The following GPC5 variants were observed in gnomAD, a reference collection of about 807,000 sequenced individuals.
GPC5 encodes glypican 5.
GPC5 carries 47 observed loss-of-function variants against 53.9 expected under a neutral mutation model. The ratio of observed to expected loss-of-function variants is 0.87; its 90% CI spans 0.69 to 1.11. The LOEUF (loss-of-function observed/expected upper bound fraction) is 1.11, where lower values mean the gene tolerates loss of function less well. Ranked by LOEUF, GPC5 falls within the 50% of genes most tolerant of loss-of-function variation. GPC5 has a pLI of 0.00. For synonymous variants in GPC5, 286 were observed against 263.3 expected, an observed-to-expected ratio of 1.09 and a Z score of -0.84; for missense variants, 748 against 713.1, an observed-to-expected ratio of 1.05 and a Z score of -0.56.
chr13:92,603,611 T>C (rs1194968322), intron 7 of GPC5, among the ~76,000 whole-genome samples: 2 of 152,156 alleles, frequency 1.3e-5, no homozygotes, highest in East Asian at 1.9e-4. Context: ...GCTGGATAGA[T>C]CTCTTTCATG....
chr13:92,538,561 C>T (rs1171017404), intron 7 of GPC5, among the ~76,000 whole-genome samples: 3 of 147,986 alleles, frequency 2.0e-5, no homozygotes, highest in Non-Finnish European at 4.5e-5. Flanking sequence ...TTGCTACACC[C>T]ATCAACCCGT....
In GPC5 at chr13:92,298,305, C is replaced by T. The variant is rs76255396; in HGVS notation, c.1561+153316C>T. Among the ~76,000 whole-genome samples the T allele has an allele frequency of 6.1e-3, 932 of 152,276 alleles. 7 individuals are homozygous for T. Among genetic ancestry groups the T allele is most frequent in the African/African-American group, 0.02 (815 of 41,556 alleles). On this transcript the variant is annotated intron_variant, in intron 7 of 7. Transcript: ENST00000377067. ...CCTTCCCCTGACTGTGGATTCTGCA[C>T]GCCAGATTCATGCCCTCCCCCAAGT...
chr13:92,051,966 A>T (rs745972063), intron 6 of GPC5, among the ~76,000 whole-genome samples: 1 of 152,228 alleles, frequency 6.6e-6, no homozygotes, highest in Non-Finnish European at 1.5e-5. Flanking sequence ...AAACCTAGTG[A>T]GAGCAAATAA....
intron 5 of GPC5, among the ~76,000 whole-genome samples, chr13:91,821,469 A>G (rs1307403432): frequency 1.3e-5 from 2 of 152,114 alleles, no homozygotes; most frequent in Non-Finnish European, 2.9e-5. Flanking sequence ...TTTGTTTAAA[A>G]CTTCCTACAA....
intron 7 of GPC5, among the ~76,000 whole-genome samples, chr13:92,168,174 T>C (rs754741361): frequency 6.6e-6 from 1 of 152,094 alleles, no homozygotes; most frequent in African/African-American, 2.4e-5. Context: ...TTATACCTTA[T>C]ACAAAAATTA....
At chr13:91,969,802 A>G (rs1316647584) in intron 6 of GPC5, among the ~76,000 whole-genome samples, 2 of 152,212 alleles carry the variant, frequency 1.3e-5, no homozygotes, top group African/African-American at 4.8e-5. Context: ...TTCAGATCAA[A>G]ACCACAATTA....
At chr13:92,131,230 A>T (rs1314311920) in intron 6 of GPC5, among the ~76,000 whole-genome samples, 1 of 151,980 alleles carries the variant, frequency 6.6e-6, no homozygotes, top group East Asian at 1.9e-4. Flanking sequence ...ATAGACTGTT[A>T]TGTGAATGTA....
intron 7 of GPC5, among the ~76,000 whole-genome samples, chr13:92,681,336 T>C (rs1374263132): frequency 2.6e-5 from 4 of 151,976 alleles, no homozygotes; most frequent in African/African-American, 9.7e-5. Flanking sequence ...TTTAGATCTT[T>C]TTTTCCCTCT....
intron 5 of GPC5, among the ~76,000 whole-genome samples, chr13:91,888,826 A>C (rs1325944226): frequency 6.6e-6 from 1 of 152,190 alleles, no homozygotes; most frequent in Admixed American, 6.5e-5. Context: ...TAGAGAAGGA[A>C]TATTGAGAAC....
At chr13:92,694,588 C>A (rs1333712025) in intron 7 of GPC5, among the ~76,000 whole-genome samples, 1 of 152,186 alleles carries the variant, frequency 6.6e-6, no homozygotes, top group Non-Finnish European at 1.5e-5. Flanking sequence ...CCAATTTCTC[C>A]AATTTGCAAT....
intron 7 of GPC5, among the ~76,000 whole-genome samples, chr13:92,623,031 AT>A (rs1324854664): frequency 1.3e-5 from 2 of 151,700 alleles, no homozygotes; most frequent in Admixed American, 6.6e-5. Context: ...AAAAAGTTAT[AT>A]TTTTTTTACT....
rs548958024 is a variant in GPC5 at position 92,050,410 on chromosome 13, T to C, written c.1402-94420T>C. ...GGGTGGCTTTCACTGAGTGGTTATA[T>C]GGGGATTATCTACTTTTGGAGGAAT... On this transcript the variant is annotated intron_variant, in intron 6 of 7. Transcript: ENST00000377067. 8.7e-4 allele frequency among the ~76,000 whole-genome samples: 132 copies of C among 152,274 alleles called. 1 individual carries two copies. The Middle Eastern group carries it at 0.034, about 40-fold the overall frequency.
At chr13:92,057,970 G>A (rs894655840) in intron 6 of GPC5, among the ~76,000 whole-genome samples, 2 of 152,060 alleles carry the variant, frequency 1.3e-5, no homozygotes, top group Admixed American at 1.3e-4. Context: ...AGTTCTGGAC[G>A]GAGGCCTGTA....
At chr13:92,253,901 G>A (rs1047047185) in intron 7 of GPC5, among the ~76,000 whole-genome samples, 20 of 152,020 alleles carry the variant, frequency 1.3e-4, no homozygotes, top group Non-Finnish European at 2.1e-4. Flanking sequence ...AAGAGGATTT[G>A]TTACAAAATG....
intron 4 of GPC5, among the ~76,000 whole-genome samples, chr13:91,738,860 C>T (rs1220310635): frequency 6.6e-6 from 1 of 151,308 alleles, no homozygotes; most frequent in Non-Finnish European, 1.5e-5. Context: ...TTTTCACAAT[C>T]CCCAGGACAA....
intron 2 of GPC5, among the ~76,000 whole-genome samples, chr13:91,513,807 C>T (rs1885359898): frequency 6.6e-6 from 1 of 152,140 alleles, no homozygotes; most frequent in Admixed American, 6.5e-5. Context: ...ATTTTATGAC[C>T]ATACCCATCT....
chr13:91,771,066 C>T (rs1594547147), intron 5 of GPC5, among the ~76,000 whole-genome samples: 1 of 152,210 alleles, frequency 6.6e-6, no homozygotes, highest in East Asian at 1.9e-4. Context: ...GCGTATACAA[C>T]TTTTCTCACA....
intron 7 of GPC5, among the ~76,000 whole-genome samples, chr13:92,604,906 A>G (rs1299597014): frequency 1.3e-5 from 2 of 152,206 alleles, no homozygotes; most frequent in East Asian, 3.8e-4. Flanking sequence ...TATAGCAAGG[A>G]GTGCATTTTG....
At chr13:91,976,957 T>A (rs532837479) in intron 6 of GPC5, among the ~76,000 whole-genome samples, 27 of 152,122 alleles carry the variant, frequency 1.8e-4, no homozygotes, top group Non-Finnish European at 3.8e-4. Flanking sequence ...GAGAGTCACT[T>A]GAACCCAGGA....
Sources: gnomAD v4.1 joint callset for allele counts (sites outside exome capture counted in the v4.1 genomes callset) on GRCh38, gnomAD v4.1.1 for gene constraint, MANE v1.5 for transcripts, NCBI Gene and HGNC (gene_info 2026-07-23, HGNC 2026-07-21) for gene names.